PLSCR2: variants seen among roughly 807,000 people sequenced by gnomAD.
PLSCR2 encodes the protein PL scramblase 2.
PLSCR2 carries 18 observed loss-of-function variants against 25.3 expected under a neutral mutation model. The ratio of observed to expected loss-of-function variants is 0.71; its 90% CI spans 0.49 to 1.06. PLSCR2 has a LOEUF of 1.06. Among genes scored for constraint, PLSCR2 ranks in the 50% least tolerant of loss-of-function variants. The pLI is 0.00. For synonymous variants in PLSCR2, 88 were observed against 87.3 expected, an observed-to-expected ratio of 1.01 and a Z score of -0.04; for missense variants, 243 against 269.5, an observed-to-expected ratio of 0.90 and a Z score of 0.69.
intron 1 of PLSCR2, among the ~76,000 whole-genome samples, chr3:146,492,349 C>T (rs569726946): frequency 6.6e-6 from 1 of 152,240 alleles, no homozygotes; most frequent in South Asian, 2.1e-4. Flanking sequence ...GACAGGTATA[C>T]ATTCTTCTCA....
At chr3:146,442,536 A>G (rs2040309737) in intron 6 of PLSCR2, among the ~76,000 whole-genome samples, 1 of 152,124 alleles carries the variant, frequency 6.6e-6, no homozygotes, top group Admixed American at 6.6e-5. Flanking sequence ...AGCTGGAGGC[A>G]TCATACTACC....
At chr3:146,494,804 T>C (rs1203601952) in intron 1 of PLSCR2, 1 of 152,164 alleles carries the variant, frequency 6.6e-6, no homozygotes, top group Non-Finnish European at 1.5e-5. Context: ...CCCAAATATA[T>C]AGGTTTCTTA....
upstream of PLSCR2, chr3:146,463,913 C>A: frequency 1.0e-6 from 1 of 972,368 alleles, no homozygotes; most frequent in Non-Finnish European, 1.2e-6. Context: ...CTTAAGAATT[C>A]TCCAATTATA....
At chr3:146,465,382 A>C (rs573007331), upstream of PLSCR2, among the ~76,000 whole-genome samples, 7 of 152,150 alleles carry the variant, frequency 4.6e-5, no homozygotes, top group African/African-American at 1.7e-4. Flanking sequence ...AGGTCCTGAA[A>C]ATTTTTTGTT....
intron 1 of PLSCR2, among the ~76,000 whole-genome samples, chr3:146,488,479 C>G (rs36130460): frequency 6.6e-6 from 1 of 151,732 alleles, no homozygotes; most frequent in African/African-American, 2.4e-5. Flanking sequence ...AACAAATTTA[C>G]AAGAAAAAAA....
At chr3:146,460,978 TAAAC>T (rs2041538578), upstream of PLSCR2, among the ~76,000 whole-genome samples, 1 of 152,072 alleles carries the variant, frequency 6.6e-6, no homozygotes, top group Non-Finnish European at 1.5e-5. Flanking sequence ...TTGAGAAAAT[TAAAC>T]AAAACAAAAG....
At chr3:146,455,800 C>G (rs1015604255) in intron 3 of PLSCR2, among the ~76,000 whole-genome samples, 1 of 152,024 alleles carries the variant, frequency 6.6e-6, no homozygotes, top group African/African-American at 2.4e-5. Context: ...ATAAAATGTC[C>G]ATTTATTTGG....
At chr3:146,446,332 T>G (rs948792327) in intron 6 of PLSCR2, among the ~76,000 whole-genome samples, 2 of 152,182 alleles carry the variant, frequency 1.3e-5, no homozygotes, top group African/African-American at 4.8e-5. Context: ...CTTGGGTGTT[T>G]TGATCTAAGT....
At chr3:146,441,696 C>A (rs1421785155), downstream of PLSCR2, 4 of 802,714 alleles carry the variant, frequency 5.0e-6, no homozygotes, top group African/African-American at 1.8e-5. Flanking sequence ...GAAAAAAACA[C>A]TGAATTTTTC....
At chr3:146,484,992 C>T (rs185549332) in intron 1 of PLSCR2, among the ~76,000 whole-genome samples, 1 of 151,666 alleles carries the variant, frequency 6.6e-6, no homozygotes, top group Middle Eastern at 3.2e-3. Context: ...CACAGACTGG[C>T]AAATTGGATA....
downstream of PLSCR2, among the ~76,000 whole-genome samples, chr3:146,441,077 A>C (rs1462966147): frequency 6.6e-6 from 1 of 152,150 alleles, no homozygotes; most frequent in African/African-American, 2.4e-5. Flanking sequence ...ATTTACTGAA[A>C]ACCATAAAAA....
intron 3 of PLSCR2, among the ~76,000 whole-genome samples, chr3:146,394,926 C>T (rs889695851): frequency 2.0e-5 from 3 of 152,180 alleles, no homozygotes; most frequent in African/African-American, 7.2e-5. Flanking sequence ...TGGCATGTCC[C>T]GTGCTTGTAC....
intron 2 of PLSCR2, among the ~76,000 whole-genome samples, chr3:146,403,057 C>T (rs969088854): frequency 5.9e-5 from 9 of 151,986 alleles, no homozygotes; most frequent in Non-Finnish European, 1.3e-4. Flanking sequence ...ATTCTTCCAG[C>T]CCTACCCTAT....
chr3:146,456,848 T>C (rs1009610519), intron 3 of PLSCR2, among the ~76,000 whole-genome samples: 5 of 152,048 alleles, frequency 3.3e-5, no homozygotes, highest in African/African-American at 1.2e-4. Flanking sequence ...AACTGGTAAA[T>C]GTGGAACTTC....
At chr3:146,477,709 T>C (rs546776913) in intron 1 of PLSCR2, among the ~76,000 whole-genome samples, 1 of 152,356 alleles carries the variant, frequency 6.6e-6, no homozygotes, top group African/African-American at 2.4e-5. Context: ...ACACCCTGTC[T>C]GACAGCTCTG....
intron 5 of PLSCR2, among the ~76,000 whole-genome samples, chr3:146,452,053 T>C (rs535431648): frequency 1.9e-4 from 29 of 152,352 alleles, no homozygotes; most frequent in African/African-American, 7.0e-4. Flanking sequence ...TTATAGCTAG[T>C]TGGTTAGACG....
downstream of PLSCR2, chr3:146,441,720 TA>T: frequency 9.7e-7 from 1 of 1,034,968 alleles, no homozygotes; most frequent in Non-Finnish European, 1.5e-6. Context: ...TAGATAATCC[TA>T]ATCAACACAG....
At chr3:146,393,983 C>T (rs970987707) in intron 3 of PLSCR2, among the ~76,000 whole-genome samples, 1 of 151,768 alleles carries the variant, frequency 6.6e-6, no homozygotes, top group Non-Finnish European at 1.5e-5. Context: ...TAACACTTGT[C>T]TCTATATTTT....
chr3:146,475,671 A>T (rs2042261730), intron 1 of PLSCR2, among the ~76,000 whole-genome samples: 1 of 152,180 alleles, frequency 6.6e-6, no homozygotes, highest in South Asian at 2.1e-4. Context: ...CATTCAATAA[A>T]TGGATATAGT....
Sources: allele counts gnomAD v4.1 joint callset (sites outside exome capture counted in the v4.1 genomes callset), GRCh38; gene constraint gnomAD v4.1.1; transcripts MANE v1.5; gene names NCBI Gene and HGNC (gene_info 2026-07-23, HGNC 2026-07-21).